KPNA1: variants seen among roughly 807,000 people sequenced by gnomAD.
KPNA1 encodes the protein importin subunit alpha-5.
Under a neutral mutation model 70.5 loss-of-function variants are expected in KPNA1, and 10 were observed. The observed-to-expected ratio is 0.14, with a 90% confidence interval of 0.09 to 0.24. The LOEUF (loss-of-function observed/expected upper bound fraction) is 0.24. Ranked by LOEUF, KPNA1 falls within the 10% of genes least tolerant of loss-of-function variation. The probability of loss-of-function intolerance (pLI) is 1.00; values close to 1 mark genes in which losing one functional copy is unlikely to be tolerated. For synonymous variants in KPNA1, 192 were observed against 221.9 expected (o/e 0.87, Z 1.20); for missense variants, 397 against 637.9 (o/e 0.62, Z 4.07).
chr3:122,433,616 A>G lies in KPNA1; in HGVS notation c.1250+45T>C, dbSNP rs542967187. On this transcript the variant is annotated intron_variant, in intron 12 of 13. Transcript: ENST00000344337. ...AGGTTATAAAGTGATAGACACAATA[A>G]TAATTTTTCTTTAACTTACAATATG... 7 of 1,521,216 alleles carry G rather than the reference A, an allele frequency of 4.6e-6. No individual in the cohort carries two copies. The South Asian group carries it at 8.8e-5, about 19-fold the overall frequency. The allele number at this position is 1,521,216 out of a possible 1,614,324, so 94.2% of individuals were successfully genotyped here.
intron 2 of KPNA1, among the ~76,000 whole-genome samples, chr3:122,478,982 G>T (rs1445566048): frequency 6.9e-6 from 1 of 145,042 alleles, no homozygotes; most frequent in East Asian, 2.2e-4. Flanking sequence ...GATTGGTAAT[G>T]ATATTTTAGA....
chr3:122,470,521 T>C lies in KPNA1; in HGVS notation c.130-3092A>G, dbSNP rs138021521. On this transcript the variant is annotated intron_variant, in intron 2 of 13. Coordinates refer to ENST00000344337, the MANE Select transcript of KPNA1 (RefSeq NM_002264.4). ...AGTAAGACTCCGTCTCAAAAATAAATAAACAAATAAATAAATAAATAAATA... is the reference window on the plus strand; with the variant it reads ...AGTAAGACTCCGTCTCAAAAATAAACAAACAAATAAATAAATAAATAAATA... 1.7e-4 allele frequency among the ~76,000 whole-genome samples: 26 copies of C among 149,278 alleles called. No individual in the cohort carries two copies. The South Asian group carries it at 4.5e-3, about 26-fold the overall frequency.
intron 1 of KPNA1, among the ~76,000 whole-genome samples, chr3:122,499,489 A>G (rs1408031794): frequency 6.6e-6 from 1 of 151,696 alleles, no homozygotes; most frequent in Non-Finnish European, 1.5e-5. Context: ...AGAGTGGCTC[A>G]TGTCTGTAAT....
At chr3:122,472,870 C>G (rs145600605) in intron 2 of KPNA1, among the ~76,000 whole-genome samples, 11 of 152,204 alleles carry the variant, frequency 7.2e-5, no homozygotes, top group Non-Finnish European at 1.5e-4. Flanking sequence ...CACTTGAGAT[C>G]AGGAGTTCAA....
chr3:122,496,629 A>C, intron 1 of KPNA1, 59 bp from the exon 2 acceptor site: 2 of 1,517,904 alleles, frequency 1.3e-6, no homozygotes, highest in South Asian at 1.2e-5. Context: ...TGTTATTCTA[A>C]GAGCTCAGTC....
chr3:122,481,021 G>C (rs774069947), intron 2 of KPNA1, among the ~76,000 whole-genome samples: 2 of 152,162 alleles, frequency 1.3e-5, no homozygotes, highest in Non-Finnish European at 2.9e-5. Flanking sequence ...AGAAGGTGGA[G>C]AAACTGAAGC....
chr3:122,435,718 C>T (rs1218118965), intron 11 of KPNA1, among the ~76,000 whole-genome samples: 1 of 152,182 alleles, frequency 6.6e-6, no homozygotes, highest in East Asian at 1.9e-4. Flanking sequence ...TGAACATAAA[C>T]TGTGAAGATT....
At chr3:122,466,252 A>C (rs1366727429) in intron 3 of KPNA1, among the ~76,000 whole-genome samples, 2 of 152,096 alleles carry the variant, frequency 1.3e-5, no homozygotes, top group African/African-American at 4.8e-5. Context: ...TTACCAAAAA[A>C]AAAGGTGGGG....
At chr3:122,495,265 A>AAAAAAAAAAAAC in intron 2 of KPNA1, among the ~76,000 whole-genome samples, 1 of 150,616 alleles carries the variant, frequency 6.6e-6, no homozygotes, top group Non-Finnish European at 1.5e-5. Flanking sequence ...AACAAACCAA[A>AAAAAAAAAAAAC]AAAAAAAAAA....
chr3:122,441,943 T>C (rs548675405), intron 10 of KPNA1, 95 bp downstream of exon 10: 8 of 973,464 alleles, frequency 8.2e-6, no homozygotes, highest in African/African-American at 6.5e-5. Flanking sequence ...CAAGTTTCCC[T>C]AATAATATGG....
In KPNA1 at chr3:122,426,129, A is replaced by G. The variant is rs1342391969; in HGVS notation, c.*856T>C. The G allele has an allele frequency of 6.6e-6, 1 of 152,212 alleles. No homozygotes were observed. The highest frequency in any genetic ancestry group is 6.5e-5 in the Admixed American group (1 of 15,274). 9.4% of individuals were successfully genotyped at this position (152,212 alleles called of 1,614,324 possible). A position where few individuals can be genotyped will look rare whatever the true frequency, so the allele number is the denominator to read the frequency against. ...CGTCCTTAGTTTTTTTTATTAAATT[A>G]CAGGATATGGTTTTCGATTACTAAG... On this transcript the variant is annotated 3_prime_UTR_variant, in exon 14 of 14. Transcript: ENST00000344337.
chr3:122,500,774 G>C (rs2076819789), intron 1 of KPNA1, among the ~76,000 whole-genome samples: 2 of 152,030 alleles, frequency 1.3e-5, no homozygotes, highest in Non-Finnish European at 2.9e-5. Flanking sequence ...AAAGTGCTGA[G>C]ATTACAAGCA....
chr3:122,505,745 TACTC>T (rs1391000583), intron 1 of KPNA1, among the ~76,000 whole-genome samples: 2 of 152,216 alleles, frequency 1.3e-5, no homozygotes. Context: ...CATGTCTAGT[TACTC>T]AATTATCAAA....
chr3:122,447,129 C>T (rs1177290163), intron 9 of KPNA1, among the ~76,000 whole-genome samples: 2 of 152,132 alleles, frequency 1.3e-5, no homozygotes, highest in Non-Finnish European at 2.9e-5. Flanking sequence ...GAAACTATTC[C>T]AATCAACAGA....
At chr3:122,510,991 A>T (rs1263465982) in intron 1 of KPNA1, among the ~76,000 whole-genome samples, 1 of 152,202 alleles carries the variant, frequency 6.6e-6, no homozygotes, top group South Asian at 2.1e-4. Flanking sequence ...ATCTTTAACG[A>T]TCAATGTGAA....
chr3:122,469,642 C>T (rs905110588), intron 2 of KPNA1, among the ~76,000 whole-genome samples: 4 of 152,158 alleles, frequency 2.6e-5, no homozygotes, highest in African/African-American at 9.7e-5. Context: ...AGCAGCCCAA[C>T]CCAGTTTGGT....
In KPNA1 at chr3:122,421,906, C is replaced by A. The variant is rs1560008334; in HGVS notation, c.*5079G>T. 1 of 152,172 alleles carries A rather than the reference C, an allele frequency of 6.6e-6. No individual in the cohort carries two copies. Among genetic ancestry groups the A allele is most frequent in the Non-Finnish European group, 1.5e-5 (1 of 68,020 alleles). 9.4% of individuals were successfully genotyped at this position (152,172 alleles called of 1,614,324 possible). ...GCATAAGGGAATTCCTTTGAATTTT[C>A]TTTTATCAAGCACCCTTTACTAACA... On this transcript the variant is annotated 3_prime_UTR_variant, in exon 14 of 14. Transcript: ENST00000344337.
chr3:122,463,174 C>T (rs753240524), intron 4 of KPNA1, among the ~76,000 whole-genome samples: 4 of 152,046 alleles, frequency 2.6e-5, no homozygotes, highest in Non-Finnish European at 5.9e-5. Flanking sequence ...CAGTGAAACA[C>T]CGTCTCTACT....
intron 2 of KPNA1, among the ~76,000 whole-genome samples, chr3:122,474,835 T>G (rs1465057572): frequency 2.0e-5 from 3 of 152,006 alleles, no homozygotes; most frequent in Admixed American, 2.0e-4. Context: ...CTCAACAAAT[T>G]AGGTATAGAA....
Sources: allele counts gnomAD v4.1 joint callset (sites outside exome capture counted in the v4.1 genomes callset), GRCh38; gene constraint gnomAD v4.1.1; transcripts MANE v1.5; gene names NCBI Gene and HGNC (gene_info 2026-07-23, HGNC 2026-07-21).